Variants in DOCK4 observed in about 807,000 individuals in gnomAD.
The protein encoded by DOCK4 is dedicator of cytokinesis protein 4.
DOCK4 carries 97 observed loss-of-function variants against 268.1 expected under a neutral mutation model. The ratio of observed to expected loss-of-function variants is 0.36; its 90% CI spans 0.31 to 0.43. DOCK4 has a LOEUF of 0.43. Among genes scored for constraint, DOCK4 ranks in the 20% least tolerant of loss-of-function variants. The pLI, the probability that DOCK4 is intolerant of heterozygous loss-of-function variation, is 1.00. For synonymous variants in DOCK4, 954 were observed against 887.2 expected, an observed-to-expected ratio of 1.08 and a Z score of -1.34; for missense variants, 2,145 against 2,455.7, an observed-to-expected ratio of 0.87 and a Z score of 2.67.
chr7:112,195,197 T>G (rs542112143), intron 1 of DOCK4, among the ~76,000 whole-genome samples: 2 of 152,168 alleles, frequency 1.3e-5, no homozygotes, highest in African/African-American at 2.4e-5. Context: ...GAGAATCACC[T>G]GAACCTGGGA....
chr7:111,824,091 G>A (rs1032349089), intron 26 of DOCK4, among the ~76,000 whole-genome samples: 1 of 152,002 alleles, frequency 6.6e-6, no homozygotes, highest in African/African-American at 2.4e-5. Flanking sequence ...AGACAGATCC[G>A]GTCCATGTCT....
chr7:112,162,115 G>A (rs1008727486), intron 1 of DOCK4, among the ~76,000 whole-genome samples: 9 of 152,106 alleles, frequency 5.9e-5, no homozygotes, highest in African/African-American at 1.2e-4. Context: ...TTTATTTTGC[G>A]TATTCCCAAA....
intron 1 of DOCK4, among the ~76,000 whole-genome samples, chr7:112,035,024 G>C (rs955925720): frequency 2.0e-5 from 3 of 152,130 alleles, no homozygotes; most frequent in African/African-American, 7.2e-5. Flanking sequence ...CTTCATCTAG[G>C]AAAGTCCTGG....
At chr7:111,749,498 G>A (rs887399192) in intron 42 of DOCK4, among the ~76,000 whole-genome samples, 1 of 152,126 alleles carries the variant, frequency 6.6e-6, no homozygotes, top group Non-Finnish European at 1.5e-5. Flanking sequence ...TAGGTTTTAT[G>A]TGCTTTTGGC....
At chr7:112,010,206 T>C (rs887474007) in intron 1 of DOCK4, among the ~76,000 whole-genome samples, 1 of 152,120 alleles carries the variant, frequency 6.6e-6, no homozygotes, top group Non-Finnish European at 1.5e-5. Flanking sequence ...TCTACATATG[T>C]ACAAAACCCC....
intron 1 of DOCK4, among the ~76,000 whole-genome samples, chr7:112,123,333 C>A (rs1812914136): frequency 6.6e-6 from 1 of 152,122 alleles, no homozygotes; most frequent in South Asian, 2.1e-4. Flanking sequence ...GACCTTGAGG[C>A]TTCTTCAGTT....
chr7:111,728,636 A>G lies in DOCK4; in HGVS notation c.5566T>C (p.Tyr1856His). ...CTGAGAGAAGAAATCCCACTGCTGTAGCTGCCCGACAAGACAGGGGAGTTG... is the reference window on the plus strand; with the variant it reads ...CTGAGAGAAGAAATCCCACTGCTGTGGCTGCCCGACAAGACAGGGGAGTTG... ...ISNSPVLSGS[Y>H]SSGISSLSRC... Residue 1856 changes from tyrosine to histidine, a missense_variant, in exon 53 of 53, where the codon TAC (tyrosine) becomes CAC (histidine). By Grantham distance (83) the Tyr-to-His change is moderately conservative. Coordinates refer to ENST00000428084, the MANE Select transcript of DOCK4 (RefSeq NM_001363540.2). 1 of 1,614,040 alleles carries G rather than the reference A, an allele frequency of 6.2e-7. No individual in the cohort carries two copies.
At chr7:112,075,760 G>A (rs1808009154) in intron 1 of DOCK4, among the ~76,000 whole-genome samples, 1 of 151,712 alleles carries the variant, frequency 6.6e-6, no homozygotes, top group Non-Finnish European at 1.5e-5. Flanking sequence ...AACATAAGTA[G>A]GGCTAAACTT....
chr7:111,864,243 TAA>T (rs11423422), intron 22 of DOCK4, among the ~76,000 whole-genome samples: 1 of 140,858 alleles, frequency 7.1e-6, no homozygotes, highest in Admixed American at 7.1e-5. Flanking sequence ...TATTTTTATG[TAA>T]AAAAAAAAAA....
At chr7:112,086,521 T>C (rs1206557713) in intron 1 of DOCK4, among the ~76,000 whole-genome samples, 1 of 152,150 alleles carries the variant, frequency 6.6e-6, no homozygotes, top group African/African-American at 2.4e-5. Flanking sequence ...TACCTTCTCC[T>C]TACTGTCAAA....
intron 27 of DOCK4, among the ~76,000 whole-genome samples, chr7:111,821,979 C>G (rs988450282): frequency 2.6e-5 from 4 of 152,170 alleles, no homozygotes; most frequent in African/African-American, 9.7e-5. Flanking sequence ...GGCTTTCTAT[C>G]TATTAATTTG....
intron 16 of DOCK4, among the ~76,000 whole-genome samples, chr7:111,878,936 TG>T (rs143705363): frequency 0.012 from 1,872 of 152,122 alleles, 37 homozygotes; most frequent in African/African-American, 0.04. Context: ...AGTGCTAGGC[TG>T]GGCTTAGAGT....
chr7:111,774,532 T>G (rs1798329350), intron 36 of DOCK4, among the ~76,000 whole-genome samples: 1 of 151,942 alleles, frequency 6.6e-6, no homozygotes, highest in Non-Finnish European at 1.5e-5. Context: ...GGGAAATCAC[T>G]TAGCCTATGG....
intron 52 of DOCK4, among the ~76,000 whole-genome samples, chr7:111,729,164 G>A (rs1015288437): frequency 2.0e-5 from 3 of 152,200 alleles, no homozygotes; most frequent in Non-Finnish European, 4.4e-5. Flanking sequence ...TTTGAGTGTT[G>A]TCCTTTGTAG....
At chr7:112,187,283 G>C (rs1819558590) in intron 1 of DOCK4, among the ~76,000 whole-genome samples, 1 of 151,932 alleles carries the variant, frequency 6.6e-6, no homozygotes, top group Non-Finnish European at 1.5e-5. Context: ...GTTAATCTAG[G>C]AGGGAAAAAA....
intron 25 of DOCK4, among the ~76,000 whole-genome samples, chr7:111,835,075 T>C (rs1174574413): frequency 1.3e-5 from 2 of 152,108 alleles, no homozygotes; most frequent in Non-Finnish European, 2.9e-5. Context: ...CACTATGAGG[T>C]AGGGGGTATA....
At position 111,984,404 on chromosome 7, in the gene DOCK4, T is replaced by A. The variant is rs777210645; in HGVS notation, c.465-14A>T. 13 of 1,606,056 alleles carry A rather than the reference T, an allele frequency of 8.1e-6. No individual in the cohort carries two copies. In the Middle Eastern group the frequency reaches 6.6e-4, roughly 82 times the overall value. ...AGTCCCAGTTGTCTAGAAAACAAAT[T>A]GCAAAAGTTTGGGGGAAAAGTTACC... On this transcript the variant is annotated splice_polypyrimidine_tract_variant and intron_variant, in intron 6 of 52. Transcript: ENST00000428084.
At chr7:112,113,038 A>G (rs1487242803) in intron 1 of DOCK4, among the ~76,000 whole-genome samples, 1 of 152,186 alleles carries the variant, frequency 6.6e-6, no homozygotes, top group Admixed American at 6.5e-5. Flanking sequence ...TACTAATAGG[A>G]AAGAGAAATT....
intron 26 of DOCK4, among the ~76,000 whole-genome samples, chr7:111,831,422 C>G (rs1356097500): frequency 2.0e-5 from 3 of 152,104 alleles, no homozygotes; most frequent in Non-Finnish European, 4.4e-5. Context: ...TACCTAAAAT[C>G]TTTTACAGGG....
Sources: gnomAD v4.1 joint callset for allele counts (sites outside exome capture counted in the v4.1 genomes callset) on GRCh38, gnomAD v4.1.1 for gene constraint, MANE v1.5 for transcripts, NCBI Gene and HGNC (gene_info 2026-07-23, HGNC 2026-07-21) for gene names.